GNG12: variants seen among roughly 807,000 people sequenced by gnomAD.
GNG12 encodes the protein guanine nucleotide-binding protein G(I)/G(S)/G(O) subunit gamma-12.
For missense variants in GNG12, 69 were observed against 83.8 expected (o/e 0.82, Z 0.69); for synonymous variants, 28 against 29.7 (o/e 0.94, Z 0.19).
intron 1 of GNG12, among the ~76,000 whole-genome samples, chr1:67,829,424 T>G (rs1023520639): frequency 2.0e-5 from 3 of 152,260 alleles, no homozygotes; most frequent in Non-Finnish European, 4.4e-5. Flanking sequence ...TTTTAAGTAC[T>G]ATTTGGCAGG....
chr1:67,820,814 G>A (rs1230339688), intron 1 of GNG12, among the ~76,000 whole-genome samples: 1 of 152,138 alleles, frequency 6.6e-6, no homozygotes. Context: ...TACTCAAAGG[G>A]TAACTATCAT....
At chr1:67,824,863 C>T (rs981469515) in intron 1 of GNG12, among the ~76,000 whole-genome samples, 1 of 152,044 alleles carries the variant, frequency 6.6e-6, no homozygotes, top group Non-Finnish European at 1.5e-5. Flanking sequence ...GTAATTTCTG[C>T]CCTGTGTTAT....
Position 67,816,784 on chromosome 1 carries a change from C to G in GNG12, c.-77+16560G>C, listed in dbSNP as rs377670327. Among the ~76,000 whole-genome samples, 16 of 152,304 alleles carry G rather than the reference C, an allele frequency of 1.1e-4. No individual in the cohort carries two copies. The East Asian group carries it at 2.1e-3, about 20-fold the overall frequency. On this transcript the variant is annotated intron_variant, in intron 1 of 3. Coordinates refer to ENST00000370982, the MANE Select transcript of GNG12 (RefSeq NM_018841.6). ...GGCCAGCACCCGACAACTCCCAGCT[C>G]ACTAGATTTAATGAGGCAGCACAAA...
intron 2 of GNG12, among the ~76,000 whole-genome samples, chr1:67,748,553 AGC>A (rs1646520050): frequency 6.6e-6 from 1 of 152,192 alleles, no homozygotes; most frequent in Non-Finnish European, 1.5e-5. Flanking sequence ...GAAGAAGTGC[AGC>A]GTCTTTTGGG....
chr1:67,727,525 A>G (rs1420583509), intron 2 of GNG12, among the ~76,000 whole-genome samples: 1 of 152,238 alleles, frequency 6.6e-6, no homozygotes, highest in Non-Finnish European at 1.5e-5. Flanking sequence ...ACAAATGAGC[A>G]GATCCGGCAT....
At chr1:67,708,946 C>A (rs1646265514) in intron 2 of GNG12, among the ~76,000 whole-genome samples, 1 of 152,228 alleles carries the variant, frequency 6.6e-6, no homozygotes, top group Non-Finnish European at 1.5e-5. Context: ...CAAAAAAACA[C>A]TAGCAACCCA....
At chr1:67,742,408 C>G (rs560381037) in intron 2 of GNG12, among the ~76,000 whole-genome samples, 2 of 152,086 alleles carry the variant, frequency 1.3e-5, no homozygotes, top group African/African-American at 4.8e-5. Flanking sequence ...TTCTCTGGCC[C>G]TAAGGATCTG....
intron 2 of GNG12, among the ~76,000 whole-genome samples, chr1:67,759,043 A>G (rs574912910): frequency 2.0e-5 from 3 of 152,372 alleles, no homozygotes; most frequent in Admixed American, 1.3e-4. Flanking sequence ...AATGTTCCCA[A>G]CACAAACAAA....
chr1:67,830,867 A>G (rs901249035), intron 1 of GNG12, among the ~76,000 whole-genome samples: 1 of 152,186 alleles, frequency 6.6e-6, no homozygotes, highest in Admixed American at 6.5e-5. Context: ...CAATTTATCC[A>G]GTAGCCTGCT....
chr1:67,769,193 C>A (rs908849808), intron 2 of GNG12, among the ~76,000 whole-genome samples: 3 of 152,194 alleles, frequency 2.0e-5, no homozygotes, highest in Non-Finnish European at 4.4e-5. Context: ...ATCTTCCCAG[C>A]ATGTGTCACT....
intron 2 of GNG12, among the ~76,000 whole-genome samples, chr1:67,742,635 C>T (rs746732918): frequency 2.0e-5 from 3 of 151,884 alleles, no homozygotes; most frequent in East Asian, 1.9e-4. Context: ...GTGTATAAAG[C>T]GATATAAGCT....
chr1:67,748,699 T>C (rs989467791), intron 2 of GNG12, among the ~76,000 whole-genome samples: 1 of 152,226 alleles, frequency 6.6e-6, no homozygotes, highest in African/African-American at 2.4e-5. Context: ...TTTTGTGTTT[T>C]GGAAAGCAAA....
At chr1:67,809,099 C>T (rs546565465) in intron 1 of GNG12, among the ~76,000 whole-genome samples, 120 of 152,154 alleles carry the variant, frequency 7.9e-4, no homozygotes, top group African/African-American at 2.8e-3. Context: ...AACAGGTGAA[C>T]GAAACAGAAC....
intron 1 of GNG12, among the ~76,000 whole-genome samples, chr1:67,797,939 A>C (rs1386003155): frequency 6.6e-6 from 1 of 152,174 alleles, no homozygotes; most frequent in African/African-American, 2.4e-5. Context: ...GGTGGTCTTG[A>C]AACCAGCCTC....
Position 67,817,787 on chromosome 1 carries a change from C to CTT in GNG12, c.-77+15555_-77+15556dup, listed in dbSNP as rs66518207. 5.5e-4 allele frequency among the ~76,000 whole-genome samples: 59 copies of CTT among 108,220 alleles called. No homozygotes were observed. The East Asian group carries it at 9.1e-3, about 17-fold the overall frequency. 71.0% of individuals were successfully genotyped at this position (108,220 alleles called of 152,430 possible). Reference sequence around the variant, plus strand: ...AATGTTTTCTTTTGTTTCTTTCTTTCTTTTTTTTTTTTTTTTTTTTGCGAT... The same window carrying CTT: ...AATGTTTTCTTTTGTTTCTTTCTTTCTTTTTTTTTTTTTTTTTTTTTTGCGAT... On this transcript the variant is annotated intron_variant, in intron 1 of 3. Transcript: ENST00000370982.
At chr1:67,736,192 C>T (rs898402230) in intron 2 of GNG12, among the ~76,000 whole-genome samples, 3 of 152,238 alleles carry the variant, frequency 2.0e-5, no homozygotes, top group East Asian at 1.9e-4. Context: ...TCATTAGGAA[C>T]CCTGGCTCCA....
At chr1:67,748,145 A>C (rs933755532) in intron 2 of GNG12, among the ~76,000 whole-genome samples, 1 of 152,120 alleles carries the variant, frequency 6.6e-6, no homozygotes, top group Non-Finnish European at 1.5e-5. Context: ...AGAGATAAAG[A>C]ACTTTCCTTT....
chr1:67,774,906 G>A (rs1183614187), intron 2 of GNG12, among the ~76,000 whole-genome samples: 2 of 152,192 alleles, frequency 1.3e-5, no homozygotes, highest in African/African-American at 4.8e-5. Context: ...TAGTACAAAA[G>A]CAATTGAAAA....
intron 1 of GNG12, among the ~76,000 whole-genome samples, chr1:67,812,244 G>A (rs188062868): frequency 6.6e-6 from 1 of 152,168 alleles, no homozygotes; most frequent in African/African-American, 2.4e-5. Context: ...AAAAAAATCT[G>A]TATCAAAACC....
Sources: gnomAD v4.1 joint callset for allele counts (sites outside exome capture counted in the v4.1 genomes callset) on GRCh38, gnomAD v4.1.1 for gene constraint, MANE v1.5 for transcripts, NCBI Gene and HGNC (gene_info 2026-07-23, HGNC 2026-07-21) for gene names.